The following FBRSL1 variants were observed in gnomAD, a reference collection of about 807,000 sequenced individuals.
FBRSL1 encodes the protein fibrosin like 1.
FBRSL1 carries 51 observed loss-of-function variants against 89.6 expected under a neutral mutation model. That is an observed-to-expected ratio of 0.57 (90% CI 0.45 to 0.72). FBRSL1 has a LOEUF of 0.72. Among genes scored for constraint, FBRSL1 ranks in the 30% least tolerant of loss-of-function variants. FBRSL1 has a pLI of 0.00. For missense variants in FBRSL1, 1,618 were observed against 1,451.8 expected (o/e 1.11, Z -1.86); for synonymous variants, 779 against 681.1 (o/e 1.14, Z -2.24).
chr12:132,515,997 C>T (rs1357175438), intron 2 of FBRSL1, among the ~76,000 whole-genome samples: 2 of 151,046 alleles, frequency 1.3e-5, no homozygotes, highest in African/African-American at 4.9e-5. Flanking sequence ...AAATCCCTAG[C>T]TAGATCAATC....
Position 132,574,094 on chromosome 12 carries a change from C to T in FBRSL1, c.1535C>T (p.Ser512Leu). The T allele has an allele frequency of 7.5e-7, 1 of 1,333,170 alleles. No individual in the cohort carries two copies. The highest frequency in any genetic ancestry group is 9.6e-7 in the Non-Finnish European group (1 of 1,045,694). The allele number at this position is 1,333,170 out of a possible 1,614,324, so 82.6% of individuals were successfully genotyped here. A position where few individuals can be genotyped will look rare whatever the true frequency, so the allele number is the denominator to read the frequency against. Reference protein sequence around the residue: ...SLQGAFQPKTSSPIEVARRAG... With the variant: ...SLQGAFQPKTLSPIEVARRAG... ...GCTGTCTCTTTCTCCCCTCAGACTT[C>T]AAGCCCCATTGAGGTGGCCCGCCGG... Residue 512 changes from serine to leucine, a missense_variant, in exon 12 of 19, where the codon TCA becomes TTA. Physicochemically the swap from Ser to Leu is moderately radical, Grantham distance 145. Transcript: ENST00000680143.
intron 1 of FBRSL1, among the ~76,000 whole-genome samples, chr12:132,503,160 C>CA (rs2033240921): frequency 7.4e-6 from 1 of 134,230 alleles, no homozygotes; most frequent in South Asian, 2.7e-4. Flanking sequence ...CCCTAGAGTG[C>CA]AGCCACATGC....
At chr12:132,574,215 C>T (rs1172241555) in intron 12 of FBRSL1, 57 bp downstream of exon 12, 1 of 1,436,584 alleles carries the variant, frequency 7.0e-7, no homozygotes, top group Non-Finnish European at 9.1e-7. Flanking sequence ...CCGGCCGGGC[C>T]CTGTGCGGGC....
intron 4 of FBRSL1, among the ~76,000 whole-genome samples, chr12:132,530,414 A>T (rs1053959832): frequency 6.6e-6 from 1 of 151,972 alleles, no homozygotes; most frequent in Non-Finnish European, 1.5e-5. Flanking sequence ...CTGTCGGCTC[A>T]CTGTGGGTCA....
At chr12:132,522,006 G>A (rs2035399691) in intron 2 of FBRSL1, among the ~76,000 whole-genome samples, 1 of 152,162 alleles carries the variant, frequency 6.6e-6, no homozygotes, top group African/African-American at 2.4e-5. Context: ...GTGGTAGAGA[G>A]GGGTGTGGGT....
At chr12:132,568,395 CA>C (rs1255045575) in intron 6 of FBRSL1, among the ~76,000 whole-genome samples, 3 of 152,284 alleles carry the variant, frequency 2.0e-5, no homozygotes, top group African/African-American at 7.2e-5. Flanking sequence ...GAAGCCTGTT[CA>C]CATCAGAGCA....
At chr12:132,516,619 G>A (rs1025714780) in intron 2 of FBRSL1, among the ~76,000 whole-genome samples, 71 of 152,268 alleles carry the variant, frequency 4.7e-4, no homozygotes, top group African/African-American at 1.3e-3. Flanking sequence ...TTTTCTGATC[G>A]TACCAGGCAC....
intron 5 of FBRSL1, among the ~76,000 whole-genome samples, chr12:132,556,696 C>T (rs1345959571): frequency 1.9e-5 from 2 of 107,276 alleles, no homozygotes; most frequent in Non-Finnish European, 3.5e-5. Context: ...TCCAGGCCTT[C>T]ATGCTGCCTC....
chr12:132,508,468 C>T (rs2033950837), intron 2 of FBRSL1, 118 bp downstream of exon 2: 1 of 1,186,290 alleles, frequency 8.4e-7, no homozygotes, highest in Non-Finnish European at 1.1e-6. Flanking sequence ...GGCAGCGCGC[C>T]CATCGTTGTC....
At position 132,583,200 on chromosome 12, in the gene FBRSL1, G is replaced by A. The variant is rs2040908963; in HGVS notation, c.2431G>A (p.Asp811Asn). 3.5e-6 allele frequency: 5 copies of A among 1,447,542 alleles called. No homozygotes were observed. The highest frequency in any genetic ancestry group is 3.6e-6 in the Non-Finnish European group (4 of 1,103,264). 89.7% of individuals were successfully genotyped at this position (1,447,542 alleles called of 1,614,324 possible). A position where few individuals can be genotyped will look rare whatever the true frequency, so the allele number is the denominator to read the frequency against. The part of the protein sequence containing the change: ...SPPHSKAAPG[D>N]VKVKEERGED... ...GCCCCACAGCAAGGCGGCCCCTGGAGACGTGAAGGTCAAGGAGGAGCGCGG... is the reference window on the plus strand; with the variant it reads ...GCCCCACAGCAAGGCGGCCCCTGGAAACGTGAAGGTCAAGGAGGAGCGCGG... The change falls in exon 19 of 19, where the codon GAC becomes AAC. Residue 811 changes from aspartate to asparagine, a missense_variant. By Grantham distance (23) the Asp-to-Asn change is conservative. Coordinates refer to ENST00000680143, the MANE Select transcript of FBRSL1 (RefSeq NM_001367871.1).
At chr12:132,541,262 C>T (rs1293095907) in intron 4 of FBRSL1, among the ~76,000 whole-genome samples, 1 of 152,228 alleles carries the variant, frequency 6.6e-6, no homozygotes, top group Non-Finnish European at 1.5e-5. Flanking sequence ...TACCCTGAGG[C>T]ACGTCAGGTG....
At chr12:132,529,147 C>G (rs569356096) in intron 4 of FBRSL1, among the ~76,000 whole-genome samples, 3 of 152,210 alleles carry the variant, frequency 2.0e-5, no homozygotes, top group South Asian at 2.1e-4. Flanking sequence ...CTGCCCACCC[C>G]ATCCCTGCAG....
chr12:132,518,994 C>T (rs1453314792), intron 2 of FBRSL1, among the ~76,000 whole-genome samples: 1 of 152,148 alleles, frequency 6.6e-6, no homozygotes, highest in Non-Finnish European at 1.5e-5. Context: ...TCCACCCATG[C>T]ATCCATCCAT....
At chr12:132,554,928 C>A (rs1473592115) in intron 5 of FBRSL1, 3 of 152,276 alleles carry the variant, frequency 2.0e-5, no homozygotes, top group African/African-American at 7.2e-5. Context: ...GCCTGGGCGA[C>A]AAAGTGAGAC....
chr12:132,512,556 G>C (rs1395063328), intron 2 of FBRSL1, among the ~76,000 whole-genome samples: 1 of 152,240 alleles, frequency 6.6e-6, no homozygotes, highest in Admixed American at 6.5e-5. Flanking sequence ...AGACGTCCCT[G>C]TTGTCAGGCG....
rs1304532558 is a variant in FBRSL1 at position 132,548,017 on chromosome 12, C to T, written c.630C>T (p.Ser210=). 12 of 1,549,948 alleles carry T rather than the reference C, an allele frequency of 7.7e-6. No homozygotes were observed. The highest frequency in any genetic ancestry group is 2.7e-5 in the African/African-American group (2 of 73,036). Residue 210 remains serine (S), a synonymous_variant, in exon 5 of 19, where the codon AGC becomes AGT. Coordinates refer to ENST00000680143, the MANE Select transcript of FBRSL1 (RefSeq NM_001367871.1). The part of the protein sequence containing the change: ...SGRGYSCDSE[S]GPDDKASVGS... ...TGTCCCTGCAGTGTGACAGCGAGAG[C>T]GGCCCGGACGACAAGGTAAGCCCAG...
intron 18 of FBRSL1, 81 bp downstream of exon 18, chr12:132,582,347 C>T: frequency 1.6e-6 from 2 of 1,246,814 alleles, no homozygotes; most frequent in South Asian, 2.8e-5. Flanking sequence ...CCGGTTCCCC[C>T]TCCCCCGTTC....
intron 15 of FBRSL1, among the ~76,000 whole-genome samples, chr12:132,580,379 C>T (rs1331192140): frequency 6.6e-6 from 1 of 152,230 alleles, no homozygotes; most frequent in East Asian, 1.9e-4. Flanking sequence ...TGAGCCACTG[C>T]GCCCGGCCAA....
Position 132,499,854 on chromosome 12 carries a change from G to A in FBRSL1, c.292-8299G>A, listed in dbSNP as rs1298212020. On this transcript the variant is annotated intron_variant, in intron 1 of 18. Coordinates refer to ENST00000680143, the MANE Select transcript of FBRSL1 (RefSeq NM_001367871.1). This position sits in a 1 kb window ranked among gnomAD's most constrained non-coding sequence, Gnocchi z 4.3. ...TCCTCAGGAGTGTGAGGGACAGAAC[G>A]GCCTCTGAGCCCCAGCTCCGTTGGC... is the stretch of plus-strand genomic sequence containing the variant. Among the ~76,000 whole-genome samples the A allele has an allele frequency of 2.0e-5, 3 of 152,136 alleles. No homozygotes were observed. The highest frequency in any genetic ancestry group is 4.8e-5 in the African/African-American group (2 of 41,428).
Sources: allele counts gnomAD v4.1 joint callset (sites outside exome capture counted in the v4.1 genomes callset), GRCh38; gene constraint gnomAD v4.1.1; non-coding constraint Gnocchi (gnomAD v3.1); transcripts MANE v1.5; gene names NCBI Gene and HGNC (gene_info 2026-07-23, HGNC 2026-07-21).